NLRP14: variants seen among roughly 807,000 people sequenced by gnomAD.
NLRP14 encodes NLR family pyrin domain containing 14.
A neutral mutation model predicts 94.7 loss-of-function variants in NLRP14; 105 were observed. That is an observed-to-expected ratio of 1.11 (90% CI 0.95 to 1.30). NLRP14 has a LOEUF of 1.30. NLRP14 is among the 50% of genes most tolerant of loss of function. The pLI is 0.00. For synonymous variants in NLRP14, 508 were observed against 459.9 expected (o/e 1.10, Z -1.34); for missense variants, 1,362 against 1,254.1 (o/e 1.09, Z -1.30).
chr11:7,038,436 G>C (rs77950134), intron 1 of NLRP14, 130 bp from the exon 2 acceptor site: 2 of 724,800 alleles, frequency 2.8e-6, no homozygotes, highest in Non-Finnish European at 4.8e-6. Context: ...GGTCAGTACC[G>C]AGCCTAATAC....
chr11:7,036,333 G>A (rs974160240), intron 1 of NLRP14, among the ~76,000 whole-genome samples: 10 of 152,212 alleles, frequency 6.6e-5, no homozygotes, highest in Middle Eastern at 3.4e-3. Flanking sequence ...CGAGGACAGC[G>A]TAAAACCTTT....
At position 7,043,827 on chromosome 11, in the gene NLRP14, T is replaced by A. The variant is rs1470177286; in HGVS notation, c.1801T>A (p.Cys601Ser). 6.2e-7 allele frequency: 1 copy of A among 1,614,208 alleles called. No homozygotes were observed. Among genetic ancestry groups the A allele is most frequent in the Admixed American group, 1.7e-5 (1 of 60,020 alleles). The part of the protein sequence containing the change: ...DKAFISQAMR[C>S]FPKVAINICE... ...AGCGTTTATAAGCCAGGCAATGAGATGTTTCCCAAAGGTTGCCATTAATAT... is the reference window on the plus strand; with the variant it reads ...AGCGTTTATAAGCCAGGCAATGAGAAGTTTCCCAAAGGTTGCCATTAATAT... The change falls in exon 4 of 12, where the codon TGT becomes AGT. Residue 601 changes from cysteine to serine, a missense_variant. Physicochemically the swap from Cys to Ser is moderately radical, Grantham distance 112. Coordinates refer to ENST00000299481, the MANE Select transcript of NLRP14 (RefSeq NM_176822.4).
At chr11:7,061,195 A>G (rs1004164420) in intron 9 of NLRP14, among the ~76,000 whole-genome samples, 25 of 152,058 alleles carry the variant, frequency 1.6e-4, no homozygotes, top group African/African-American at 6.0e-4. Context: ...CTATAAACAC[A>G]AGGCAATTAC....
chr11:7,039,511 T>A (rs543766085), intron 2 of NLRP14, among the ~76,000 whole-genome samples: 1 of 152,232 alleles, frequency 6.6e-6, no homozygotes, highest in African/African-American at 2.4e-5. Flanking sequence ...GCAAGAGGTC[T>A]CCTACTTCAG....
chr11:7,021,756 T>A (rs947294308), intron 1 of NLRP14, among the ~76,000 whole-genome samples: 1 of 151,590 alleles, frequency 6.6e-6, no homozygotes, highest in East Asian at 1.9e-4. Flanking sequence ...TGTCTCTGCA[T>A]TCAGTAATTC....
chr11:7,071,282 G>C lies in NLRP14; in HGVS notation c.3256G>C (p.Asp1086His). 1 of 1,613,486 alleles carries C rather than the reference G, an allele frequency of 6.2e-7. No homozygotes were observed. Among genetic ancestry groups the C allele is most frequent in the East Asian group, 2.2e-5 (1 of 44,812 alleles). Residue 1086 changes from aspartate to histidine, a missense_variant, in exon 12 of 12, where the codon GAT becomes CAT. Asp to His is a moderately conservative substitution (Grantham distance 81). Coordinates refer to ENST00000299481, the MANE Select transcript of NLRP14 (RefSeq NM_176822.4). ...AGATTGTAACTATCATAATGAAGAA[G>C]ATGTGTCTTGGTGGTGGTGTTTCTG... ...KPDCNYHNEE[D>H]VSWWWCF is the part of the protein sequence containing the mutation.
the NLRP14 span, chr11:7,089,367 C>A: frequency 6.2e-7 from 1 of 1,605,618 alleles, no homozygotes; most frequent in Non-Finnish European, 8.5e-7. Context: ...CAAGGTGGCC[C>A]AGGCCACCAA....
chr11:7,070,296 T>G lies in NLRP14; in HGVS notation c.2986T>G (p.Cys996Gly). Residue 996 changes from cysteine (C) to glycine (G), a missense_variant, in exon 11 of 12, where the codon TGT (cysteine) becomes GGT (glycine). Coordinates refer to ENST00000299481, the MANE Select transcript of NLRP14 (RefSeq NM_176822.4). ...CTCTCTTCTCTACAGGTTGGAATACTGTGGTTTGACATCTCTCTGCTGTCA... is the reference window on the plus strand; with the variant it reads ...CTCTCTTCTCTACAGGTTGGAATACGGTGGTTTGACATCTCTCTGCTGTCA... Reference protein sequence around the residue: ...CNIQRLGLEYCGLTSLCCQDL... With the variant: ...CNIQRLGLEYGGLTSLCCQDL... The G allele has an allele frequency of 6.2e-7, 1 of 1,610,388 alleles. No homozygotes were observed. Among genetic ancestry groups the G allele is most frequent in the Non-Finnish European group, 8.5e-7 (1 of 1,176,974 alleles).
the NLRP14 span, among the ~76,000 whole-genome samples, chr11:7,078,929 C>A: frequency 1.1e-4 from 16 of 152,310 alleles, no homozygotes; most frequent in East Asian, 3.1e-3. Flanking sequence ...AGAACTCAAT[C>A]CCTGAAGATA....
Position 7,042,524 on chromosome 11 carries a change from C to T in NLRP14, c.498C>T (p.Phe166=), listed in dbSNP as rs7123944. 0.99 allele frequency: 1,600,861 copies of T among 1,614,244 alleles called. 794,384 individuals carry two copies. Among genetic ancestry groups the T allele is most frequent in the East Asian group, 1 (44,886 of 44,886 alleles). Residue 166 remains phenylalanine (F), a synonymous_variant, in exon 4 of 12, where the codon TTC becomes TTT. Coordinates refer to ENST00000299481, the MANE Select transcript of NLRP14 (RefSeq NM_176822.4). ...EKDRKLLEHL[F]DVDVKTGAQP... ...ATAGAAAACTGTTGGAACACTTGTTCGATGTGGATGTCAAAACCGGTGCAC... is the reference window on the plus strand; with the variant it reads ...ATAGAAAACTGTTGGAACACTTGTTTGATGTGGATGTCAAAACCGGTGCAC...
chr11:7,086,488 C>G, the NLRP14 span, among the ~76,000 whole-genome samples: 1 of 152,206 alleles, frequency 6.6e-6, no homozygotes, highest in Non-Finnish European at 1.5e-5. Context: ...CTTCAACAAT[C>G]TTGTTCATTT....
In NLRP14 at chr11:7,038,738, A is replaced by C; in HGVS notation, c.152A>C (p.Lys51Thr). 3 of 1,614,128 alleles carry C rather than the reference A, an allele frequency of 1.9e-6. No individual in the cohort carries two copies. Among genetic ancestry groups the C allele is most frequent in the Non-Finnish European group, 2.5e-6 (3 of 1,179,986 alleles). ...GGCCTGACACCCTGGAATGAAGTGAAGAAGGCCAGGCGGGAGGACCTGGCC... is the reference window on the plus strand; with the variant it reads ...GGCCTGACACCCTGGAATGAAGTGACGAAGGCCAGGCGGGAGGACCTGGCC... ...EHGLTPWNEV[K>T]KARREDLANL... Residue 51 changes from lysine to threonine, a missense_variant, in exon 2 of 12, where the codon AAG (lysine) becomes ACG (threonine). By Grantham distance (78) the Lys-to-Thr change is moderately conservative (BLOSUM62 -1). Transcript: ENST00000299481.
chr11:7,032,309 G>C (rs760880424), intron 1 of NLRP14, among the ~76,000 whole-genome samples: 1 of 151,926 alleles, frequency 6.6e-6, no homozygotes. Context: ...TGTATGACGA[G>C]GTCATTTTCA....
At chr11:7,089,104 C>T in the NLRP14 span, 6 of 1,610,628 alleles carry the variant, frequency 3.7e-6, no homozygotes, top group South Asian at 1.1e-5. Flanking sequence ...CACTGACCGA[C>T]CGTTCGACCG....
In NLRP14 at chr11:7,070,394, T is replaced by C; in HGVS notation, c.3084T>C (p.Tyr1028=). The change falls in exon 11 of 12, where the codon TAT becomes TAC. Residue 1028 remains tyrosine (Y), a synonymous_variant. Coordinates refer to ENST00000299481, the MANE Select transcript of NLRP14 (RefSeq NM_176822.4). ...ATCTGACACAGAATACCTTAGGATATGAAGGAATTGTGAAGTTATATAAAG... is the reference window on the plus strand; with the variant it reads ...ATCTGACACAGAATACCTTAGGATACGAAGGAATTGTGAAGTTATATAAAG... ...KMNLTQNTLG[Y]EGIVKLYKVL... The C allele has an allele frequency of 1.2e-6, 2 of 1,608,632 alleles. No homozygotes were observed. The highest frequency in any genetic ancestry group is 1.7e-6 in the Non-Finnish European group (2 of 1,175,086).
chr11:7,070,174 C>A, intron 10 of NLRP14, 112 bp from the exon 11 acceptor site: 1 of 762,100 alleles, frequency 1.3e-6, no homozygotes, highest in Admixed American at 2.0e-5. Context: ...TAACTGTGCT[C>A]ATTTTTTAAA....
Position 7,049,769 on chromosome 11 carries a change from T to C in NLRP14, c.2222T>C (p.Ile741Thr), listed in dbSNP as rs1203706174. The C allele has an allele frequency of 6.8e-6, 11 of 1,610,180 alleles. No homozygotes were observed. The highest frequency in any genetic ancestry group is 2.2e-5 in the East Asian group (1 of 44,810). Residue 741 changes from isoleucine to threonine, a missense_variant, in exon 6 of 12, where the codon ATA becomes ACA. Ile to Thr is a moderately conservative substitution (Grantham distance 89). Coordinates refer to ENST00000299481, the MANE Select transcript of NLRP14 (RefSeq NM_176822.4). ...LMHLDLKGSD[I>T]GDNGVKSLCE... ...CATCTTGACCTAAAAGGGAGTGATA[T>C]AGGGGATAATGGAGTAAAGTCATTG...
chr11:7,090,493 ATTG>A, the NLRP14 span: 1 of 720,912 alleles, frequency 1.4e-6, no homozygotes, highest in Non-Finnish European at 2.3e-6. Flanking sequence ...TAGTTTTGGA[ATTG>A]TTAACGTTTC....
chr11:7,077,758 T>C, the NLRP14 span, among the ~76,000 whole-genome samples: 3 of 152,340 alleles, frequency 2.0e-5, no homozygotes, highest in Non-Finnish European at 4.4e-5. Context: ...ATGAGACTTA[T>C]TCACTATCAT....
Sources: gnomAD v4.1 joint callset for allele counts (sites outside exome capture counted in the v4.1 genomes callset) on GRCh38, gnomAD v4.1.1 for gene constraint, MANE v1.5 for transcripts, NCBI Gene and HGNC (gene_info 2026-07-23, HGNC 2026-07-21) for gene names.